STAG2: variants seen among roughly 807,000 people sequenced by gnomAD.
STAG2 encodes the protein STAG2 cohesin complex component, also known as cohesin subunit SA-2.
In STAG2, 14 loss-of-function variants were observed where a neutral mutation model predicts 108.1. The ratio of observed to expected loss-of-function variants is 0.13; its 90% CI spans 0.09 to 0.20. The LOEUF is 0.20. Ranked by LOEUF, STAG2 falls within the 10% of genes least tolerant of loss-of-function variation. STAG2 has a pLI of 1.00. For missense variants in STAG2, 440 were observed against 940.9 expected (o/e 0.47, Z 6.96); for synonymous variants, 307 against 302.7 (o/e 1.01, Z -0.15).
At chrX:124,094,462 T>A (rs1169986730) in intron 33 of STAG2, among the ~76,000 whole-genome samples, 1 of 111,915 alleles carries the variant, frequency 8.9e-6, no homozygotes, top group Admixed American at 9.5e-5. Context: ...TTATGCATTT[T>A]AAAAAATATG....
chrX:123,982,730 T>C (rs1296776605), intron 1 of STAG2, among the ~76,000 whole-genome samples: 1 of 102,694 alleles, frequency 9.7e-6, no homozygotes, highest in Non-Finnish European at 2.0e-5. Context: ...CTGTACACTT[T>C]AGTCTTTTTT....
In STAG2 at chrX:124,045,394, A is replaced by AT. The variant is rs761341425; in HGVS notation, c.667+27dup. The AT allele has an allele frequency of 4.9e-5, 54 of 1,113,108 alleles. No individual in the cohort carries two copies. In the South Asian group the frequency reaches 1.0e-3, roughly 21 times the overall value. 91.7% of individuals were successfully genotyped at this position (1,113,108 alleles called of 1,213,427 possible). On this transcript the variant is annotated intron_variant, in intron 8 of 34. Coordinates refer to ENST00000371145, the MANE Select transcript of STAG2 (RefSeq NM_001042750.2). ...GTCGGTATTTAGAAATATTTTCTGC[A>AT]TATTGTCTTAGATTTGAGATGAAAA...
chrX:124,010,891 C>T (rs756018044), intron 1 of STAG2, among the ~76,000 whole-genome samples: 3 of 111,137 alleles, frequency 2.7e-5, no homozygotes, highest in Non-Finnish European at 5.7e-5. Flanking sequence ...CCTTGAGATT[C>T]TATATGAATT....
chrX:124,002,947 C>T (rs1439215315), intron 1 of STAG2, among the ~76,000 whole-genome samples: 1 of 106,524 alleles, frequency 9.4e-6, no homozygotes, highest in Non-Finnish European at 1.9e-5. Flanking sequence ...TGAGCCACTG[C>T]ACCCGGCCAC....
In STAG2 at chrX:124,101,923, A is replaced by G. The variant is rs1367006209; in HGVS notation, c.*1326A>G. The G allele has an allele frequency of 6.2e-6, 1 of 160,699 alleles. No individual in the cohort carries two copies. Among genetic ancestry groups the G allele is most frequent in the Non-Finnish European group, 1.2e-5 (1 of 82,617 alleles). 13.2% of individuals were successfully genotyped at this position (160,699 alleles called of 1,213,427 possible). On this transcript the variant is annotated 3_prime_UTR_variant, in exon 35 of 35. Coordinates refer to ENST00000371145, the MANE Select transcript of STAG2 (RefSeq NM_001042750.2). Reference sequence around the variant, plus strand: ...AGCTAGACATCGTTTAAAACAAAATATTAACTTATATTACATGTGTATCTA... The same window carrying G: ...AGCTAGACATCGTTTAAAACAAAATGTTAACTTATATTACATGTGTATCTA...
chrX:123,987,878 G>A (rs1183062704), intron 1 of STAG2, among the ~76,000 whole-genome samples: 2 of 111,746 alleles, frequency 1.8e-5, no homozygotes, highest in African/African-American at 6.5e-5. Context: ...ACTATTAGAA[G>A]TTTGTATTAT....
chrX:124,038,150 T>G (rs1003774592), intron 6 of STAG2, among the ~76,000 whole-genome samples: 2 of 112,503 alleles, frequency 1.8e-5, no homozygotes, highest in Non-Finnish European at 3.8e-5. Flanking sequence ...CACTTTATTT[T>G]AAAAATATTT....
chrX:123,969,966 T>TG (rs2054283184), intron 1 of STAG2, among the ~76,000 whole-genome samples: 1 of 102,120 alleles, frequency 9.8e-6, no homozygotes. Flanking sequence ...TTTTTTTTTT[T>TG]TTTTTTTTTT....
At chrX:123,977,932 T>C (rs1407808056) in intron 1 of STAG2, among the ~76,000 whole-genome samples, 4 of 104,013 alleles carry the variant, frequency 3.8e-5, no homozygotes, top group Non-Finnish European at 7.9e-5. Context: ...AGCCTTGACT[T>C]TCTGGGCTCA....
upstream of STAG2, chrX:123,960,638 A>AAAAAAG (rs1409621133): frequency 9.6e-6 from 1 of 104,327 alleles, no homozygotes; most frequent in Non-Finnish European, 1.9e-5. Context: ...AAAAAAAAAA[A>AAAAAAG]AAAAAGAAAA....
chrX:124,001,194 G>A (rs1214634567), intron 1 of STAG2, among the ~76,000 whole-genome samples: 3 of 111,032 alleles, frequency 2.7e-5, no homozygotes, highest in African/African-American at 6.6e-5. Context: ...GGGTTCAAGC[G>A]ATTCTCCTGC....
At chrX:124,033,371 T>G (rs1379937257) in intron 5 of STAG2, among the ~76,000 whole-genome samples, 5 of 112,205 alleles carry the variant, frequency 4.5e-5, no homozygotes, top group Non-Finnish European at 7.5e-5. Context: ...GTATTATACA[T>G]TTTCTCTAAT....
At chrX:124,099,101 A>G (rs1218839232) in intron 34 of STAG2, among the ~76,000 whole-genome samples, 1 of 111,858 alleles carries the variant, frequency 8.9e-6, no homozygotes, top group Non-Finnish European at 1.9e-5. Flanking sequence ...TATTTATAGT[A>G]TAAAATTGGT....
intron 32 of STAG2, among the ~76,000 whole-genome samples, chrX:124,092,248 G>A (rs760844217): frequency 1.8e-5 from 2 of 111,387 alleles, no homozygotes; most frequent in East Asian, 2.8e-4. Context: ...GAGACACAAG[G>A]TATACTCTAT....
intron 1 of STAG2, among the ~76,000 whole-genome samples, chrX:124,010,075 GTGAGTTTATACCATA>G (rs1284854389): frequency 9.0e-6 from 1 of 111,661 alleles, no homozygotes; most frequent in African/African-American, 3.3e-5. Context: ...GTAAAATCCT[GTGAGTTTATACCATA>G]TGAGAGAAGC....
intron 7 of STAG2, among the ~76,000 whole-genome samples, chrX:124,044,440 A>T (rs1049109182): frequency 2.7e-5 from 3 of 112,077 alleles, no homozygotes; most frequent in African/African-American, 9.7e-5. Flanking sequence ...ATTAATTTTT[A>T]AAATTTACTG....
intron 6 of STAG2, among the ~76,000 whole-genome samples, chrX:124,038,779 A>G (rs1402912462): frequency 8.9e-6 from 1 of 111,739 alleles, no homozygotes; most frequent in African/African-American, 3.2e-5. Flanking sequence ...TAGCATATAG[A>G]AAGCTGCCTA....
chrX:124,061,307 C>G lies in STAG2; in HGVS notation c.1500C>G (p.Ser500Arg), dbSNP rs1452107645. 8.3e-7 allele frequency: 1 copy of G among 1,207,031 alleles called. No individual in the cohort carries two copies. Among genetic ancestry groups the G allele is most frequent in the Non-Finnish European group, 1.1e-6 (1 of 891,899 alleles). ...TGAAAGACTGGGAATGTATGAATAGCTTGTTACTGGAAGAGCCACTTAGTG... is the reference window on the plus strand; with the variant it reads ...TGAAAGACTGGGAATGTATGAATAGGTTGTTACTGGAAGAGCCACTTAGTG... The part of the protein sequence containing the change: ...ELLKDWECMN[S>R]LLLEEPLSGE... The change falls in exon 16 of 35, where the codon AGC (serine) becomes AGG (arginine). Residue 500 changes from serine (S) to arginine (R), a missense_variant. Around this residue, in one of 3 missense-constraint regions of STAG2, gnomAD observed 337 missense variants for 649.3 expected, o/e 0.52. Transcript: ENST00000371145.
intron 14 of STAG2, among the ~76,000 whole-genome samples, chrX:124,057,214 AG>A (rs1312198113): frequency 4.4e-5 from 5 of 112,421 alleles, no homozygotes; most frequent in Non-Finnish European, 9.4e-5. Flanking sequence ...ATCTGTTCAC[AG>A]AAAACAAAGA....
Sources: allele counts gnomAD v4.1 joint callset (sites outside exome capture counted in the v4.1 genomes callset), GRCh38; gene constraint gnomAD v4.1.1; regional missense constraint gnomAD v4.1.1; transcripts MANE v1.5; gene names NCBI Gene and HGNC (gene_info 2026-07-23, HGNC 2026-07-21).